CAMK1D: variants seen among roughly 807,000 people sequenced by gnomAD.
CAMK1D encodes calcium/calmodulin dependent protein kinase ID, also known as calcium/calmodulin-dependent protein kinase type 1D.
Under a neutral mutation model 47.7 loss-of-function variants are expected in CAMK1D, and 9 were observed. The observed-to-expected ratio is 0.19, with a 90% CI of 0.11 to 0.33. The LOEUF is 0.33. Ranked by LOEUF, CAMK1D falls within the 10% of genes least tolerant of loss-of-function variation. The probability of loss-of-function intolerance (pLI) is 1.00; values close to 1 mark genes in which losing one functional copy is unlikely to be tolerated. For missense variants in CAMK1D, 291 were observed against 488.7 expected (o/e 0.60, Z 3.81); for synonymous variants, 184 against 184.9 (o/e 0.99, Z 0.04).
intron 1 of CAMK1D, among the ~76,000 whole-genome samples, chr10:12,384,476 G>GACC (rs1838431958): frequency 6.6e-6 from 1 of 152,144 alleles, no homozygotes; most frequent in Non-Finnish European, 1.5e-5. Context: ...AGACAGTGTG[G>GACC]TCCTGGTGTA....
intron 2 of CAMK1D, among the ~76,000 whole-genome samples, chr10:12,586,334 A>T (rs1837815770): frequency 6.6e-6 from 1 of 151,878 alleles, no homozygotes; most frequent in Admixed American, 6.6e-5. Flanking sequence ...CTGTAATCCC[A>T]GATACTTGGG....
At chr10:12,654,215 T>C (rs1208583002) in intron 2 of CAMK1D, among the ~76,000 whole-genome samples, 1 of 152,236 alleles carries the variant, frequency 6.6e-6, no homozygotes, top group Non-Finnish European at 1.5e-5. Flanking sequence ...TTCTGTGTCA[T>C]TAACAGTATT....
At chr10:12,453,600 A>C (rs1352800540) in intron 1 of CAMK1D, among the ~76,000 whole-genome samples, 1 of 152,176 alleles carries the variant, frequency 6.6e-6, no homozygotes, top group Non-Finnish European at 1.5e-5. Context: ...GGCTATTGTG[A>C]ATCATGCTGC....
chr10:12,640,458 T>G (rs767548443), intron 2 of CAMK1D, among the ~76,000 whole-genome samples: 2 of 152,168 alleles, frequency 1.3e-5, no homozygotes, highest in Non-Finnish European at 2.9e-5. Context: ...TTCAACACAT[T>G]AAGTACTGTG....
intron 2 of CAMK1D, among the ~76,000 whole-genome samples, chr10:12,595,290 C>T (rs377599171): frequency 4.4e-4 from 55 of 125,988 alleles, no homozygotes; most frequent in African/African-American, 1.5e-3. Context: ...TGCAATGAGC[C>T]GAGATCACAC....
chr10:12,555,311 C>T (rs1836726391), intron 2 of CAMK1D, among the ~76,000 whole-genome samples: 1 of 152,234 alleles, frequency 6.6e-6, no homozygotes, highest in African/African-American at 2.4e-5. Context: ...ACAGTCTGTC[C>T]TCTTCTGACC....
At chr10:12,394,155 T>G (rs1294255157) in intron 1 of CAMK1D, among the ~76,000 whole-genome samples, 1 of 152,184 alleles carries the variant, frequency 6.6e-6, no homozygotes, top group African/African-American at 2.4e-5. Context: ...ACACTTATGT[T>G]TACAGTTGTA....
intron 1 of CAMK1D, among the ~76,000 whole-genome samples, chr10:12,410,308 TTCTTGAGTGTGTA>T (rs1209647818): frequency 5.3e-5 from 8 of 152,200 alleles, no homozygotes; most frequent in Admixed American, 5.2e-4. Flanking sequence ...ACTCTGTATT[TTCTTGAGTGTGTA>T]TCTCTCTGTG....
intron 1 of CAMK1D, among the ~76,000 whole-genome samples, chr10:12,535,340 C>G (rs1405701643): frequency 6.6e-6 from 1 of 152,178 alleles, no homozygotes; most frequent in Non-Finnish European, 1.5e-5. Context: ...TTTATTTGTT[C>G]AGTGTTTTCT....
At chr10:12,767,871 T>C (rs1007936686) in intron 4 of CAMK1D, among the ~76,000 whole-genome samples, 14 of 151,978 alleles carry the variant, frequency 9.2e-5, no homozygotes, top group Admixed American at 3.9e-4. Context: ...TTTGAGTTAG[T>C]TAGTTAGTTA....
At chr10:12,543,682 G>A (rs1346170640) in intron 1 of CAMK1D, among the ~76,000 whole-genome samples, 2 of 152,090 alleles carry the variant, frequency 1.3e-5, no homozygotes, top group Non-Finnish European at 2.9e-5. Flanking sequence ...GCATCCTTAG[G>A]GCACACGCAT....
chr10:12,403,658 G>GA (rs1314847543), intron 1 of CAMK1D, among the ~76,000 whole-genome samples: 1 of 152,142 alleles, frequency 6.6e-6, no homozygotes, highest in Non-Finnish European at 1.5e-5. Flanking sequence ...AATGGGGATA[G>GA]AAACCTCCCT....
At chr10:12,639,548 A>AT (rs200539016) in intron 2 of CAMK1D, among the ~76,000 whole-genome samples, 2 of 150,914 alleles carry the variant, frequency 1.3e-5, no homozygotes, top group East Asian at 1.9e-4. Context: ...CCTTGCTTAA[A>AT]TTTTTTTTTT....
chr10:12,503,124 A>G (rs966223450), intron 1 of CAMK1D, among the ~76,000 whole-genome samples: 1 of 152,220 alleles, frequency 6.6e-6, no homozygotes, highest in African/African-American at 2.4e-5. Flanking sequence ...GTGTGTACAC[A>G]TATACATGTG....
Position 12,831,893 on chromosome 10 carries a change from T to A in CAMK1D, c.*3006T>A, listed in dbSNP as rs1833424566. On this transcript the variant is annotated 3_prime_UTR_variant, in exon 11 of 11. Coordinates refer to ENST00000619168, the MANE Select transcript of CAMK1D (RefSeq NM_153498.4). ...TATAAAACAGGAAGAGAACCTAGAA[T>A]GTGCCTTTCGTGAAGGTCTGACAAA... The A allele has an allele frequency of 6.6e-6, 1 of 152,240 alleles. No individual in the cohort carries two copies. Among genetic ancestry groups the A allele is most frequent in the Non-Finnish European group, 1.5e-5 (1 of 68,048 alleles). The allele number at this position is 152,240 out of a possible 1,614,324, so 9.4% of individuals were successfully genotyped here.
At chr10:12,650,696 G>A (rs1176080006) in intron 2 of CAMK1D, among the ~76,000 whole-genome samples, 2 of 152,112 alleles carry the variant, frequency 1.3e-5, no homozygotes, top group East Asian at 1.9e-4. Context: ...AATCTGCAGC[G>A]CAGCTGGAGC....
chr10:12,475,474 C>T (rs910258062), intron 1 of CAMK1D, among the ~76,000 whole-genome samples: 18 of 152,168 alleles, frequency 1.2e-4, no homozygotes, highest in African/African-American at 4.1e-4. Flanking sequence ...CCCATTAAGC[C>T]TGGGTAATAT....
At chr10:12,379,915 A>T (rs577554200) in intron 1 of CAMK1D, among the ~76,000 whole-genome samples, 62 of 151,872 alleles carry the variant, frequency 4.1e-4, no homozygotes, top group African/African-American at 1.3e-3. Flanking sequence ...GAGGACTTTT[A>T]AAAAAAAGGG....
intron 3 of CAMK1D, among the ~76,000 whole-genome samples, chr10:12,710,019 G>A (rs1246159463): frequency 6.6e-6 from 1 of 152,176 alleles, no homozygotes; most frequent in African/African-American, 2.4e-5. Context: ...GTGACTTTGA[G>A]CAAACTTCTT....
Sources: gnomAD v4.1 joint callset for allele counts (sites outside exome capture counted in the v4.1 genomes callset) on GRCh38, gnomAD v4.1.1 for gene constraint, MANE v1.5 for transcripts, NCBI Gene and HGNC (gene_info 2026-07-23, HGNC 2026-07-21) for gene names.